RPS6KA5: variants seen among roughly 807,000 people sequenced by gnomAD.
RPS6KA5 encodes the protein ribosomal protein S6 kinase alpha-5.
RPS6KA5 carries 27 observed loss-of-function variants against 85.5 expected under a neutral mutation model. The ratio of observed to expected loss-of-function variants is 0.32; its 90% CI spans 0.23 to 0.44. The LOEUF (loss-of-function observed/expected upper bound fraction) is 0.44. Ranked by LOEUF, RPS6KA5 falls within the 20% of genes least tolerant of loss-of-function variation. The pLI is 1.00. For missense variants in RPS6KA5, 811 were observed against 980.9 expected, an observed-to-expected ratio of 0.83 and a Z score of 2.31; for synonymous variants, 334 against 348.2, an observed-to-expected ratio of 0.96 and a Z score of 0.46.
At chr14:90,909,823 C>T (rs907000153) in intron 7 of RPS6KA5, among the ~76,000 whole-genome samples, 21 of 152,212 alleles carry the variant, frequency 1.4e-4, no homozygotes, top group Middle Eastern at 3.4e-3. Flanking sequence ...GATGGATTCT[C>T]GCTCTGTTGC....
chr14:91,014,698 C>T lies in RPS6KA5; in HGVS notation c.104-13539G>A, dbSNP rs371344489. Among the ~76,000 whole-genome samples the T allele has an allele frequency of 7.9e-5, 12 of 151,994 alleles. No homozygotes were observed. The East Asian group carries it at 1.9e-3, about 24-fold the overall frequency. On this transcript the variant is annotated intron_variant, in intron 1 of 16. Transcript: ENST00000614987. ...AGTTCCTAAGGCTTATTTTTCTAAA[C>T]GCACATATTTTTGATACATCTTATA... is the stretch of plus-strand genomic sequence containing the variant.
intron 14 of RPS6KA5, among the ~76,000 whole-genome samples, chr14:90,881,974 T>C (rs529310652): frequency 2.0e-5 from 3 of 152,388 alleles, no homozygotes; most frequent in Admixed American, 1.3e-4. Flanking sequence ...TCCATTTGCA[T>C]TTAAAGTAAT....
chr14:91,014,960 G>A (rs949917450), intron 1 of RPS6KA5, among the ~76,000 whole-genome samples: 1 of 152,134 alleles, frequency 6.6e-6, no homozygotes, highest in African/African-American at 2.4e-5. Flanking sequence ...CTAATTTGTT[G>A]TAGTCAAATT....
At chr14:90,943,687 A>T (rs2037714115) in intron 4 of RPS6KA5, among the ~76,000 whole-genome samples, 1 of 152,062 alleles carries the variant, frequency 6.6e-6, no homozygotes, top group Non-Finnish European at 1.5e-5. Flanking sequence ...ATATACCTAT[A>T]CTCTAACTCT....
Position 90,851,201 on chromosome 14 carries a change from C to T in RPS6KA5, c.*20873G>A, listed in dbSNP as rs1260231882. ...TACAGGCGCTCATCACCATGCCTGG[C>T]TAATTTTTTTGTACTTTTAGTAGAG... On this transcript the variant is annotated 3_prime_UTR_variant, in exon 17 of 17. Transcript: ENST00000614987. 6.6e-6 allele frequency: 1 copy of T among 152,172 alleles called. No individual in the cohort carries two copies. Among genetic ancestry groups the T allele is most frequent in the African/African-American group, 2.4e-5 (1 of 41,412 alleles). The allele number at this position is 152,172 out of a possible 1,614,324, so 9.4% of individuals were successfully genotyped here.
intron 2 of RPS6KA5, among the ~76,000 whole-genome samples, chr14:90,997,037 T>C (rs1258869897): frequency 6.6e-6 from 1 of 152,220 alleles, no homozygotes; most frequent in African/African-American, 2.4e-5. Flanking sequence ...CTATGAACTC[T>C]TCAGGCAATA....
rs972145407 is a variant in RPS6KA5 at position 90,870,257 on chromosome 14, C to T, written c.*1817G>A. The T allele has an allele frequency of 2.6e-5, 4 of 152,092 alleles. No individual in the cohort carries two copies. Among genetic ancestry groups the T allele is most frequent in the Non-Finnish European group, 5.9e-5 (4 of 68,018 alleles). The allele number at this position is 152,092 out of a possible 1,614,324, so 9.4% of individuals were successfully genotyped here. On this transcript the variant is annotated 3_prime_UTR_variant, in exon 17 of 17. Transcript: ENST00000614987. ...TTTCTTGATTACTAGAGATCTGTGC[C>T]TGATGGAATCACATTTTGTGAATTA...
At chr14:90,980,357 T>G (rs1043969803) in intron 2 of RPS6KA5, among the ~76,000 whole-genome samples, 1 of 152,210 alleles carries the variant, frequency 6.6e-6, no homozygotes, top group Non-Finnish European at 1.5e-5. Context: ...CAGAGCACTA[T>G]GGTTTTTAGA....
intron 7 of RPS6KA5, among the ~76,000 whole-genome samples, chr14:90,910,846 C>T (rs564183632): frequency 3.0e-4 from 45 of 152,042 alleles, no homozygotes; most frequent in Non-Finnish European, 4.6e-4. Flanking sequence ...CCACCACGCC[C>T]GGCTAATTTT....
intron 5 of RPS6KA5, among the ~76,000 whole-genome samples, chr14:90,935,392 C>A (rs117301305): frequency 6.6e-6 from 1 of 152,100 alleles, no homozygotes; most frequent in East Asian, 1.9e-4. Context: ...AGAAATAGAA[C>A]GGATATAGTG....
At chr14:90,909,594 T>C (rs2035690632) in intron 7 of RPS6KA5, among the ~76,000 whole-genome samples, 1 of 152,200 alleles carries the variant, frequency 6.6e-6, no homozygotes, top group Non-Finnish European at 1.5e-5. Context: ...GTGGCTTTAA[T>C]ATTCATTTGC....
intron 2 of RPS6KA5, among the ~76,000 whole-genome samples, chr14:90,984,135 C>T (rs2039960866): frequency 1.3e-5 from 2 of 152,148 alleles, no homozygotes; most frequent in African/African-American, 4.8e-5. Flanking sequence ...CGTGAGCCAC[C>T]ACACTCGGCC....
chr14:90,894,655 T>C, intron 12 of RPS6KA5, 72 bp from the exon 13 acceptor site: 2 of 1,503,184 alleles, frequency 1.3e-6, no homozygotes, highest in Non-Finnish European at 1.8e-6. Flanking sequence ...AAAACATTTA[T>C]TGACTATCTA....
intron 12 of RPS6KA5, among the ~76,000 whole-genome samples, chr14:90,895,369 A>G (rs2034780941): frequency 1.3e-5 from 2 of 152,140 alleles, no homozygotes; most frequent in Non-Finnish European, 2.9e-5. Flanking sequence ...AAAAGTTTAA[A>G]AAGGTATTGT....
intron 5 of RPS6KA5, among the ~76,000 whole-genome samples, chr14:90,934,746 A>G (rs560229021): frequency 2.0e-5 from 3 of 152,292 alleles, no homozygotes; most frequent in Admixed American, 6.5e-5. Context: ...TGAAGCAGAC[A>G]GCTGGCAGGC....
chr14:90,893,614 C>T (rs1164929270), intron 13 of RPS6KA5, among the ~76,000 whole-genome samples: 1 of 151,876 alleles, frequency 6.6e-6, no homozygotes, highest in African/African-American at 2.4e-5. Flanking sequence ...TATATATACT[C>T]GAGAACATAT....
rs542313515 is a variant in RPS6KA5, at chr14:91,059,340, G to GAAA, written c.103+989_103+991dup. On this transcript the variant is annotated intron_variant, in intron 1 of 16. Coordinates refer to ENST00000614987, the MANE Select transcript of RPS6KA5 (RefSeq NM_004755.4). Reference sequence around the variant, plus strand: ...GAGCAACAAGAGCGAAACTCTGTCTGAAAAAAAAAAAAAAAAATCCCAATA... The same window carrying GAAA: ...GAGCAACAAGAGCGAAACTCTGTCTGAAAAAAAAAAAAAAAAAAAATCCCAATA... Among the ~76,000 whole-genome samples, 506 of 127,578 alleles carry GAAA rather than the reference G, an allele frequency of 4.0e-3. 4 individuals are homozygous for GAAA. Among genetic ancestry groups the GAAA allele is most frequent in the Non-Finnish European group, 7.1e-3 (431 of 60,586 alleles). The allele number at this position is 127,578 out of a possible 152,430, so 83.7% of individuals were successfully genotyped here. A position where few individuals can be genotyped will look rare whatever the true frequency, so the allele number is the denominator to read the frequency against.
intron 12 of RPS6KA5, among the ~76,000 whole-genome samples, chr14:90,898,559 T>C (rs1326913095): frequency 6.6e-6 from 1 of 152,270 alleles, no homozygotes; most frequent in Non-Finnish European, 1.5e-5. Context: ...ACAAGTTTTA[T>C]GAACATTCAA....
At chr14:91,020,584 TTA>T (rs2041713877) in intron 1 of RPS6KA5, among the ~76,000 whole-genome samples, 1 of 72,362 alleles carries the variant, frequency 1.4e-5, no homozygotes, top group Non-Finnish European at 2.9e-5. Flanking sequence ...GTGTGTGTGT[TTA>T]TATGTGTATG....
Sources: gnomAD v4.1 joint callset for allele counts (sites outside exome capture counted in the v4.1 genomes callset) on GRCh38, gnomAD v4.1.1 for gene constraint, MANE v1.5 for transcripts, NCBI Gene and HGNC (gene_info 2026-07-23, HGNC 2026-07-21) for gene names.